The following VWA5B1 variants were observed in gnomAD, a reference collection of about 807,000 sequenced individuals.
VWA5B1 encodes the protein von Willebrand factor A domain-containing protein 5B1.
VWA5B1 carries 115 observed loss-of-function variants against 118.2 expected under a neutral mutation model. The observed-to-expected ratio is 0.97, with a 90% CI of 0.84 to 1.14. The LOEUF (loss-of-function observed/expected upper bound fraction) is 1.14, where lower values mean the gene tolerates loss of function less well. Ranked by LOEUF, VWA5B1 falls within the 50% of genes most tolerant of loss-of-function variation. The pLI, the probability that VWA5B1 is intolerant of heterozygous loss-of-function variation, is 0.00. For missense variants in VWA5B1, 1,596 were observed against 1,603.8 expected (o/e 1.00, Z 0.08); for synonymous variants, 682 against 658.4 (o/e 1.04, Z -0.55).
rs1367679525 is a variant in VWA5B1 at position 20,355,007 on chromosome 1, G to A, written c.*744G>A. ...GGGGAGACACCTTGTGAGTTGACGT[G>A]TTAGATTTAAGCAGCAGTCTGTGCA... On this transcript the variant is annotated 3_prime_UTR_variant, in exon 22 of 22. Coordinates refer to ENST00000289815, the MANE Select transcript of VWA5B1 (RefSeq NM_001039500.3). 1 of 152,190 alleles carries A rather than the reference G, an allele frequency of 6.6e-6. No homozygotes were observed. Among genetic ancestry groups the A allele is most frequent in the Non-Finnish European group, 1.5e-5 (1 of 68,038 alleles). 9.4% of individuals were successfully genotyped at this position (152,190 alleles called of 1,614,324 possible).
In VWA5B1 at chr1:20,353,724, T is replaced by G. The variant is rs923981385; in HGVS notation, c.3142-33T>G. The G allele has an allele frequency of 4.1e-6, 6 of 1,446,476 alleles. No individual in the cohort carries two copies. In the Admixed American group the frequency reaches 1.4e-4, roughly 35 times the overall value. 89.6% of individuals were successfully genotyped at this position (1,446,476 alleles called of 1,614,324 possible). A position where few individuals can be genotyped will look rare whatever the true frequency, so the allele number is the denominator to read the frequency against. On this transcript the variant is annotated intron_variant, in intron 21 of 21. Transcript: ENST00000289815. Reference sequence around the variant, plus strand: ...CTATGGCTCCCTGGGCTAAAACATTTGAGGCCCACTGAAGGGCTTCCCCCA... The same window carrying G: ...CTATGGCTCCCTGGGCTAAAACATTGGAGGCCCACTGAAGGGCTTCCCCCA...
Position 20,317,602 on chromosome 1 carries a change from C to T in VWA5B1, c.636C>T (p.Asn212=). The change falls in exon 5 of 22, where the codon AAC becomes AAT. Residue 212 remains asparagine (N), a synonymous_variant. Transcript: ENST00000289815. ...WNKLCLATLL[N]TEVSNPMEYE... ...AGTTGTGCCTGGCGACTCTCCTGAACACCGAAGTGTCCAACCCCATGGAGT... is the reference window on the plus strand; with the variant it reads ...AGTTGTGCCTGGCGACTCTCCTGAATACCGAAGTGTCCAACCCCATGGAGT... 4 of 1,551,956 alleles carry T rather than the reference C, an allele frequency of 2.6e-6. No homozygotes were observed. The highest frequency in any genetic ancestry group is 3.5e-6 in the Non-Finnish European group (4 of 1,147,064).
At position 20,330,965 on chromosome 1, in the gene VWA5B1, G is replaced by T; in HGVS notation, c.1554G>T (p.Gly518=). The part of the protein sequence containing the change: ...SEGSAELLME[G]ERLQPKMVKS... The stretch of plus-strand genomic sequence containing the variant: ...GCAGTGCTGAGCTCCTGATGGAGGG[G>T]GAGCGGCTGCAACCCAAGGTAGGCA... Residue 518 remains glycine, a synonymous_variant, in exon 11 of 22, where the codon GGG becomes GGT. Coordinates refer to ENST00000289815, the MANE Select transcript of VWA5B1 (RefSeq NM_001039500.3). The T allele has an allele frequency of 6.5e-7, 1 of 1,549,520 alleles. No individual in the cohort carries two copies.
chr1:20,313,044 C>T, intron 3 of VWA5B1, 56 bp downstream of exon 3: 1 of 1,533,372 alleles, frequency 6.5e-7, no homozygotes, highest in South Asian at 1.2e-5. Context: ...CAGAGGCTGC[C>T]TGGGCTGGAG....
At chr1:20,292,446 T>C (rs2088329617) in intron 1 of VWA5B1, among the ~76,000 whole-genome samples, 1 of 152,168 alleles carries the variant, frequency 6.6e-6, no homozygotes, top group African/African-American at 2.4e-5. Context: ...TGCAGGCATA[T>C]GCTCTGGAAA....
chr1:20,314,277 C>A, intron 3 of VWA5B1, 45 bp from the exon 4 acceptor site: 2 of 1,534,798 alleles, frequency 1.3e-6, no homozygotes, highest in African/African-American at 2.7e-5. Context: ...TAGAGGGGAT[C>A]AGAGATAATC....
At chr1:20,299,858 C>A (rs1340057152) in intron 1 of VWA5B1, among the ~76,000 whole-genome samples, 1 of 152,234 alleles carries the variant, frequency 6.6e-6, no homozygotes, top group Admixed American at 6.5e-5. Flanking sequence ...CGCCTCCCCA[C>A]TCCTAGAAAG....
chr1:20,292,638 C>CGTGT (rs149823325), intron 1 of VWA5B1, among the ~76,000 whole-genome samples: 2 of 151,504 alleles, frequency 1.3e-5, no homozygotes, highest in Non-Finnish European at 2.9e-5. Context: ...CAGTGGCATG[C>CGTGT]GTGTGTGTGT....
intron 1 of VWA5B1, among the ~76,000 whole-genome samples, chr1:20,306,804 T>A (rs917400071): frequency 6.6e-6 from 1 of 152,158 alleles, no homozygotes. Flanking sequence ...ACTCTTAGCA[T>A]CCAAGTTGGA....
Position 20,358,686 on chromosome 1 carries a change from C to T in VWA5B1, c.*4423C>T, listed in dbSNP as rs113399297. ...GGGAAAGGAGAGGGAAGGGTACTGC[C>T]GCCCCATGAATGGGGCATGTGCTCA... is the stretch of plus-strand genomic sequence containing the variant. On this transcript the variant is annotated 3_prime_UTR_variant, in exon 22 of 22. Transcript: ENST00000289815. 8.5e-5 allele frequency among the ~76,000 whole-genome samples: 13 copies of T among 152,306 alleles called. No individual in the cohort carries two copies. The highest frequency in any genetic ancestry group is 2.9e-4 in the African/African-American group (12 of 41,576).
intron 5 of VWA5B1, chr1:20,318,347 C>T (rs991073399): frequency 1.2e-5 from 7 of 575,892 alleles, no homozygotes; most frequent in African/African-American, 9.4e-5. Flanking sequence ...AATGCAACTC[C>T]TCCGACCCCC....
At chr1:20,315,823 A>T (rs1432627189) in intron 4 of VWA5B1, among the ~76,000 whole-genome samples, 1 of 152,202 alleles carries the variant, frequency 6.6e-6, no homozygotes, top group Non-Finnish European at 1.5e-5. Context: ...ACAACAGAGA[A>T]GCTGGTGGCA....
intron 14 of VWA5B1, among the ~76,000 whole-genome samples, chr1:20,341,026 T>A (rs116026839): frequency 7.9e-5 from 12 of 152,242 alleles, no homozygotes; most frequent in Non-Finnish European, 1.5e-4. Flanking sequence ...TATATGGTCA[T>A]GTAATCATCG....
intron 1 of VWA5B1, among the ~76,000 whole-genome samples, chr1:20,291,363 C>CTCTT (rs1557821963): frequency 2.5e-5 from 3 of 120,376 alleles, no homozygotes; most frequent in African/African-American, 1.6e-4. Context: ...CTTTCTTTCT[C>CTCTT]TCTCTCTCTC....
rs1261402516 is a variant in VWA5B1 at position 20,337,822 on chromosome 1, C to T, written c.2119C>T (p.Gln707Ter). The T allele has an allele frequency of 1.1e-5, 17 of 1,551,712 alleles. No homozygotes were observed. The South Asian group carries it at 1.7e-4, about 15-fold the overall frequency. ...NQTSLDVQRW[Q>*]IDLQPLLNSG... ...GACCAGCCTGGATGTCCAGCGGTGG[C>T]AGATTGATTTGCAGGTACCCAAGCA... The change falls in exon 14 of 22, where the codon CAG becomes TAG. Residue 707 changes from glutamine to a stop codon, truncating the protein, a stop_gained. Transcript: ENST00000289815. LOFTEE classifies it high-confidence loss of function.
In VWA5B1 at chr1:20,352,041, C is replaced by A; in HGVS notation, c.3024-14C>A. 2 of 1,547,462 alleles carry A rather than the reference C, an allele frequency of 1.3e-6. No individual in the cohort carries two copies. Among genetic ancestry groups the A allele is most frequent in the East Asian group, 4.9e-5 (2 of 40,748 alleles). On this transcript the variant is annotated splice_polypyrimidine_tract_variant and intron_variant, in intron 20 of 21. Coordinates refer to ENST00000289815, the MANE Select transcript of VWA5B1 (RefSeq NM_001039500.3). Reference sequence around the variant, plus strand: ...GGTTGGGATGCCCAGGGCCACCTGACTTCACCTGCACAGGCTAAATCTCAA... The same window carrying A: ...GGTTGGGATGCCCAGGGCCACCTGAATTCACCTGCACAGGCTAAATCTCAA...
intron 1 of VWA5B1, among the ~76,000 whole-genome samples, chr1:20,297,440 T>C (rs1178359741): frequency 1.3e-5 from 2 of 152,180 alleles, no homozygotes; most frequent in African/African-American, 2.4e-5. Flanking sequence ...ACACATTTCA[T>C]TGGCTGAAGC....
intron 20 of VWA5B1, 150 bp from the exon 21 acceptor site, chr1:20,351,905 C>A (rs781328846): frequency 5.0e-6 from 3 of 594,784 alleles, no homozygotes; most frequent in Non-Finnish European, 8.9e-6. Flanking sequence ...TGCTTCGAGC[C>A]CATGTTTCCA....
At chr1:20,307,286 C>A (rs1483786376) in intron 1 of VWA5B1, among the ~76,000 whole-genome samples, 5 of 152,202 alleles carry the variant, frequency 3.3e-5, no homozygotes, top group Non-Finnish European at 2.9e-5. Context: ...GTGGCCCGCG[C>A]CCACCTGAGG....
Sources: allele counts gnomAD v4.1 joint callset (sites outside exome capture counted in the v4.1 genomes callset), GRCh38; gene constraint gnomAD v4.1.1; transcripts MANE v1.5; gene names NCBI Gene and HGNC (gene_info 2026-07-23, HGNC 2026-07-21).